ACSS1: variants seen among roughly 807,000 people sequenced by gnomAD.
The protein encoded by ACSS1 is acetyl-coenzyme A synthetase 2-like, mitochondrial.
In ACSS1, 42 loss-of-function variants were observed where a neutral mutation model predicts 75.3. That is an observed-to-expected ratio of 0.56 (90% CI 0.44 to 0.72). The LOEUF is 0.72. ACSS1 is among the 30% of genes least tolerant of loss of function. ACSS1 has a pLI of 0.00. For synonymous variants in ACSS1, 380 were observed against 376.8 expected (o/e 1.01, Z -0.10); for missense variants, 782 against 935.7 (o/e 0.84, Z 2.14).
At chr20:25,015,090 C>T (rs1189008923) in intron 8 of ACSS1, 48 bp downstream of exon 8, 7 of 1,547,530 alleles carry the variant, frequency 4.5e-6, no homozygotes, top group Non-Finnish European at 6.2e-6. Context: ...ACACCTGACC[C>T]TGCAGACCCA....
intron 9 of ACSS1, 46 bp from the exon 10 acceptor site, chr20:25,013,708 A>G (rs1037213276): frequency 2.6e-6 from 4 of 1,562,488 alleles, no homozygotes; most frequent in Middle Eastern, 2.1e-4. Context: ...GCTCTGGGTG[A>G]GAAGTGTGCC....
chr20:25,044,969 C>T (rs1298543686), intron 2 of ACSS1, among the ~76,000 whole-genome samples: 2 of 152,334 alleles, frequency 1.3e-5, no homozygotes, highest in Admixed American at 6.5e-5. Context: ...GGGGCAAAAC[C>T]GCGGCAGGGG....
At chr20:25,029,523 A>G (rs900220086) in intron 3 of ACSS1, among the ~76,000 whole-genome samples, 1 of 152,244 alleles carries the variant, frequency 6.6e-6, no homozygotes. Flanking sequence ...ATAGGTATAT[A>G]CCCCCAAAAT....
At chr20:25,052,813 C>T (rs2089192516) in intron 1 of ACSS1, among the ~76,000 whole-genome samples, 1 of 152,242 alleles carries the variant, frequency 6.6e-6, no homozygotes, top group Admixed American at 6.5e-5. Context: ...AGGGCCCCAC[C>T]CAGGGCCTAA....
At chr20:25,038,075 G>C (rs2088944679) in intron 2 of ACSS1, among the ~76,000 whole-genome samples, 2 of 152,234 alleles carry the variant, frequency 1.3e-5, no homozygotes, top group Admixed American at 1.3e-4. Flanking sequence ...CCTGGGCCAA[G>C]GCGGGCCCAG....
At chr20:25,008,016 C>CA in intron 13 of ACSS1, 75 bp from the exon 14 acceptor site, 2 of 1,523,668 alleles carry the variant, frequency 1.3e-6, no homozygotes, top group Non-Finnish European at 1.8e-6. Flanking sequence ...GCATTAAGAT[C>CA]AGAAGGGCTC....
chr20:25,020,621 A>G (rs2088606777), intron 6 of ACSS1, among the ~76,000 whole-genome samples: 1 of 152,130 alleles, frequency 6.6e-6, no homozygotes, highest in African/African-American at 2.4e-5. Flanking sequence ...TACCCACACC[A>G]TCCCCTCCAC....
rs1452591428 is a variant in ACSS1, at chr20:25,020,009, C to T, written c.1246+1G>A. The T allele has an allele frequency of 1.9e-6, 3 of 1,614,066 alleles. No homozygotes were observed. In the African/African-American group the frequency reaches 4.0e-5, roughly 22 times the overall value. On this transcript the variant is annotated splice_donor_variant, in intron 7 of 13. Coordinates refer to ENST00000323482, the MANE Select transcript of ACSS1 (RefSeq NM_032501.4). LOFTEE classifies it high-confidence loss of function. Reference sequence around the variant, plus strand: ...CTCCTGCTGCAGGGCAGGCCGCTCACCTGACCCCAGGGTCCGCAGGGAGGA... The same window carrying T: ...CTCCTGCTGCAGGGCAGGCCGCTCATCTGACCCCAGGGTCCGCAGGGAGGA...
intron 12 of ACSS1, chr20:25,010,727 T>G (rs991444543): frequency 6.6e-6 from 1 of 152,306 alleles, no homozygotes; most frequent in Non-Finnish European, 1.5e-5. Flanking sequence ...GGGCCTGGAC[T>G]GTTGAGTTCT....
chr20:25,035,668 TGCTGGAATTACAG>T (rs2088898562), intron 2 of ACSS1, among the ~76,000 whole-genome samples: 1 of 152,110 alleles, frequency 6.6e-6, no homozygotes, highest in East Asian at 1.9e-4. Context: ...CCTCCCAAAG[TGCTGGAATTACAG>T]GCATGAACCA....
Position 25,009,267 on chromosome 20 carries a change from C to G in ACSS1, c.1890+3G>C, listed in dbSNP as rs1368473130. The G allele has an allele frequency of 6.2e-7, 1 of 1,608,088 alleles. No homozygotes were observed. Among genetic ancestry groups the G allele is most frequent in the East Asian group, 2.2e-5 (1 of 44,868 alleles). ...GCCCCATCTTTGTGGGAGGCCCACT[C>G]ACCAGGATCTCATCAGGCACAGCAT... On this transcript the variant is annotated splice_donor_region_variant and intron_variant, in intron 13 of 13. Coordinates refer to ENST00000323482, the MANE Select transcript of ACSS1 (RefSeq NM_032501.4).
chr20:25,048,692 C>A (rs1051059893), intron 1 of ACSS1, among the ~76,000 whole-genome samples: 6 of 152,260 alleles, frequency 3.9e-5, no homozygotes, highest in Admixed American at 6.5e-5. Context: ...CCAACTCCCC[C>A]ACGTGTTCCA....
chr20:25,023,770 A>T, intron 3 of ACSS1, 129 bp from the exon 4 acceptor site: 1 of 911,844 alleles, frequency 1.1e-6, no homozygotes, highest in Non-Finnish European at 1.6e-6. Flanking sequence ...AAAAGACTCA[A>T]TGGAAAAAGT....
At chr20:25,035,692 C>T (rs927247969) in intron 2 of ACSS1, among the ~76,000 whole-genome samples, 2 of 152,238 alleles carry the variant, frequency 1.3e-5, no homozygotes, top group African/African-American at 4.8e-5. Flanking sequence ...GCATGAACCA[C>T]CACACCCAGC....
chr20:25,009,149 C>G lies in ACSS1; in HGVS notation c.1890+121G>C, dbSNP rs921717921. Reference sequence around the variant, plus strand: ...CTCACCACCAGCCAGGAAAACCAAACAGCTAGTGTCCGTTTTGATGCTAAT... The same window carrying G: ...CTCACCACCAGCCAGGAAAACCAAAGAGCTAGTGTCCGTTTTGATGCTAAT... On this transcript the variant is annotated intron_variant, in intron 13 of 13. Transcript: ENST00000323482. 4 of 906,830 alleles carry G rather than the reference C, an allele frequency of 4.4e-6. No individual in the cohort carries two copies. In the African/African-American group the frequency reaches 6.6e-5, roughly 15 times the overall value. The allele number at this position is 906,830 out of a possible 1,614,324, so 56.2% of individuals were successfully genotyped here.
At chr20:25,031,209 T>C in intron 2 of ACSS1, 1 of 566,336 alleles carries the variant, frequency 1.8e-6, no homozygotes, top group Non-Finnish European at 3.2e-6. Context: ...TTAAGTCCGC[T>C]TACGGCAGGG....
At chr20:25,016,775 C>T (rs113657922) in intron 7 of ACSS1, among the ~76,000 whole-genome samples, 2,526 of 152,318 alleles carry the variant, frequency 0.017, 73 homozygotes, top group African/African-American at 0.057. Context: ...GTAATCCCCA[C>T]GGCAAAGCAG....
chr20:25,055,970 C>T (rs988817815), intron 1 of ACSS1, among the ~76,000 whole-genome samples: 2 of 152,184 alleles, frequency 1.3e-5, no homozygotes, highest in Non-Finnish European at 2.9e-5. Flanking sequence ...ACGCACATCC[C>T]AGGGGAGAAA....
intron 3 of ACSS1, among the ~76,000 whole-genome samples, chr20:25,024,281 C>T (rs1319612761): frequency 6.6e-6 from 1 of 152,224 alleles, no homozygotes; most frequent in Non-Finnish European, 1.5e-5. Context: ...AGGACCCTAG[C>T]TTCCATGGCT....
Sources: gnomAD v4.1 joint callset for allele counts (sites outside exome capture counted in the v4.1 genomes callset) on GRCh38, gnomAD v4.1.1 for gene constraint, MANE v1.5 for transcripts, NCBI Gene and HGNC (gene_info 2026-07-23, HGNC 2026-07-21) for gene names.